Variants in KIF26B observed in about 807,000 individuals in gnomAD.
KIF26B encodes kinesin-like protein KIF26B.
In KIF26B, 63 loss-of-function variants were observed where a neutral mutation model predicts 151.2. That is an observed-to-expected ratio of 0.42 (90% confidence interval 0.34 to 0.51). The LOEUF (loss-of-function observed/expected upper bound fraction) is 0.51. KIF26B is among the 20% of genes least tolerant of loss of function. The pLI, the probability that KIF26B is intolerant of heterozygous loss-of-function variation, is 0.07. For missense variants in KIF26B, 2,813 were observed against 2,913.6 expected (o/e 0.97, Z 0.79); for synonymous variants, 1,357 against 1,262.1 (o/e 1.08, Z -1.59).
chr1:245,350,536 G>A (rs143563972), intron 2 of KIF26B, among the ~76,000 whole-genome samples: 15 of 152,198 alleles, frequency 9.9e-5, no homozygotes, highest in Admixed American at 3.9e-4. Flanking sequence ...CAGGAATGCC[G>A]TCCCCACAGC....
rs764656347 is a variant in KIF26B, at chr1:245,609,379, G to A, written c.1765G>A (p.Ala589Thr). 14 of 1,609,758 alleles carry A rather than the reference G, an allele frequency of 8.7e-6. No homozygotes were observed. Among genetic ancestry groups the A allele is most frequent in the Admixed American group, 3.4e-5 (2 of 59,444 alleles). The change falls in exon 8 of 15, where the codon GCC becomes ACC. Residue 589 changes from alanine to threonine, a missense_variant. This residue lies in a region of KIF26B where 77 missense variants were observed against 136.9 expected (regional missense o/e 0.56). Coordinates refer to ENST00000407071, the MANE Select transcript of KIF26B (RefSeq NM_018012.4). ...LINERKEKTGARFSVRVSAVE... is the reference protein window; with the variant it reads ...LINERKEKTGTRFSVRVSAVE... ...AAACGAACGCAAGGAAAAGACCGGCGCCCGTTTCTCAGTCCGGGTTTCCGC... is the reference window on the plus strand; with the variant it reads ...AAACGAACGCAAGGAAAAGACCGGCACCCGTTTCTCAGTCCGGGTTTCCGC...
chr1:245,169,891 C>T (rs1367625407), intron 2 of KIF26B, among the ~76,000 whole-genome samples: 2 of 152,188 alleles, frequency 1.3e-5, no homozygotes, highest in East Asian at 1.9e-4. Flanking sequence ...GATTCTGAAT[C>T]TCCTTCAAAG....
chr1:245,258,503 A>AT (rs1439586521), intron 2 of KIF26B, among the ~76,000 whole-genome samples: 1 of 152,212 alleles, frequency 6.6e-6, no homozygotes, highest in Non-Finnish European at 1.5e-5. Context: ...ATCAAAGCTC[A>AT]TTCCTGGCTA....
At chr1:245,177,659 C>T (rs2103525783) in intron 2 of KIF26B, among the ~76,000 whole-genome samples, 1 of 134,224 alleles carries the variant, frequency 7.5e-6, no homozygotes, top group East Asian at 2.5e-4. Flanking sequence ...TTTACTTGTC[C>T]TTAGGGGTGT....
In KIF26B at chr1:245,512,282, G is replaced by A. The variant is rs1299625182; in HGVS notation, c.1167-28485G>A. ...ACTGTCCCTCCCACCTGTCCACCCT[G>A]CCTGTTTCCCAGCCCCCATCCTTCT... On this transcript the variant is annotated intron_variant, in intron 4 of 14. Transcript: ENST00000407071. The surrounding 1 kb of genome is among the most constrained non-coding windows in gnomAD (Gnocchi z 4.3). 6.6e-6 allele frequency among the ~76,000 whole-genome samples: 1 copy of A among 152,062 alleles called. No homozygotes were observed. The highest frequency in any genetic ancestry group is 1.5e-5 in the Non-Finnish European group (1 of 68,006).
chr1:245,660,344 G>A (rs2044122213), intron 10 of KIF26B, among the ~76,000 whole-genome samples: 1 of 150,916 alleles, frequency 6.6e-6, no homozygotes, highest in Admixed American at 6.6e-5. Flanking sequence ...TATTTTTTGG[G>A]GGGGCGGGTA....
At position 245,158,751 on chromosome 1, in the gene KIF26B, G is replaced by T. The variant is rs549522688; in HGVS notation, c.465+2068G>T. On this transcript the variant is annotated intron_variant, in intron 2 of 14. Transcript: ENST00000407071. Reference sequence around the variant, plus strand: ...TAGACAGGGCTCAGCCAGGAAGAAGGATGCTTTGCATCAGCTCATTGTTAG... The same window carrying T: ...TAGACAGGGCTCAGCCAGGAAGAAGTATGCTTTGCATCAGCTCATTGTTAG... Among the ~76,000 whole-genome samples, 3 of 152,254 alleles carry T rather than the reference G, an allele frequency of 2.0e-5. No homozygotes were observed. The East Asian group carries it at 5.8e-4, about 29-fold the overall frequency.
intron 2 of KIF26B, among the ~76,000 whole-genome samples, chr1:245,179,194 T>A (rs1196809647): frequency 6.6e-6 from 1 of 152,208 alleles, no homozygotes; most frequent in East Asian, 1.9e-4. Flanking sequence ...AAATAGCGTT[T>A]GAAATTCTCC....
chr1:245,267,676 ACACACAC>A (rs1670772809), intron 2 of KIF26B, among the ~76,000 whole-genome samples: 1 of 147,618 alleles, frequency 6.8e-6, no homozygotes, highest in Non-Finnish European at 1.5e-5. Flanking sequence ...ACACACACAC[ACACACAC>A]AAAAGGAGAA....
chr1:245,265,886 G>T (rs1670736371), intron 2 of KIF26B, among the ~76,000 whole-genome samples: 1 of 152,082 alleles, frequency 6.6e-6, no homozygotes, highest in Non-Finnish European at 1.5e-5. Flanking sequence ...AGGATTACAG[G>T]CATGAGCCAC....
intron 2 of KIF26B, among the ~76,000 whole-genome samples, chr1:245,342,960 C>G (rs2102996656): frequency 6.6e-6 from 1 of 152,002 alleles, no homozygotes; most frequent in African/African-American, 2.4e-5. Flanking sequence ...GTGGTGGGCG[C>G]CTGTAATTCC....
Position 245,686,034 on chromosome 1 carries a change from C to T in KIF26B, c.3051C>T (p.Pro1017=). 1 of 1,595,100 alleles carries T rather than the reference C, an allele frequency of 6.3e-7. No homozygotes were observed. The highest frequency in any genetic ancestry group is 1.1e-5 in the South Asian group (1 of 88,784). The change falls in exon 12 of 15, where the codon CCC becomes CCT. Residue 1017 remains proline (P), a synonymous_variant. Coordinates refer to ENST00000407071, the MANE Select transcript of KIF26B (RefSeq NM_018012.4). The surrounding 1 kb of genome is among the most constrained non-coding windows in gnomAD (Gnocchi z 5.6). ...PVPAAAPAHS[P]SPASPRSVPG... ...CCGCCGCGGCACCCGCCCACAGCCC[C>T]AGCCCGGCCTCACCCAGGAGCGTCC...
intron 2 of KIF26B, among the ~76,000 whole-genome samples, chr1:245,292,298 G>T (rs1174171208): frequency 6.6e-6 from 1 of 152,186 alleles, no homozygotes; most frequent in Admixed American, 6.5e-5. Context: ...TGCACATGGG[G>T]CACCGGAAGC....
At chr1:245,289,351 C>A (rs979298045) in intron 2 of KIF26B, among the ~76,000 whole-genome samples, 2 of 152,144 alleles carry the variant, frequency 1.3e-5, no homozygotes, top group African/African-American at 4.8e-5. Context: ...TCTGTTACCC[C>A]AGGCAATTAT....
In KIF26B at chr1:245,652,110, G is replaced by GTGTGTT. The variant is rs762786203; in HGVS notation, c.2258+5835_2258+5836insTTGTGT. On this transcript the variant is annotated intron_variant, in intron 10 of 14. Coordinates refer to ENST00000407071, the MANE Select transcript of KIF26B (RefSeq NM_018012.4). ...GAGGTTCATGTAAGAATCTGTGTGT[G>GTGTGTT]TGTGTGTGTGTGTGTGTGTGTGTGT... Among the ~76,000 whole-genome samples, 10 of 60,670 alleles carry GTGTGTT rather than the reference G, an allele frequency of 1.6e-4. No individual in the cohort carries two copies. The Admixed American group carries it at 2.1e-3, about 12-fold the overall frequency. 39.8% of individuals were successfully genotyped at this position (60,670 alleles called of 152,430 possible).
rs189327536 is a variant in KIF26B, at chr1:245,383,289, G to A, written c.999+15922G>A. 1.6e-3 allele frequency among the ~76,000 whole-genome samples: 236 copies of A among 151,186 alleles called. 1 individual carries two copies. Among genetic ancestry groups the A allele is most frequent in the Non-Finnish European group, 3.1e-3 (207 of 67,752 alleles). ...GAACACGGTATCCCTGAAAAATAGC[G>A]GTGGAATTGGTGAATTTAGAAAACC... On this transcript the variant is annotated intron_variant, in intron 3 of 14. Transcript: ENST00000407071.
chr1:245,568,028 T>TA lies in KIF26B; in HGVS notation c.1350+27086dup, dbSNP rs982099400. ...GCAAAACCCCGTCTCTACTAAAAAT[T>TA]AAAAAAAATAGCCGGGGTTAATCCC... On this transcript the variant is annotated intron_variant, in intron 5 of 14. Transcript: ENST00000407071. Among the ~76,000 whole-genome samples, 18 of 149,982 alleles carry TA rather than the reference T, an allele frequency of 1.2e-4. No individual in the cohort carries two copies. The East Asian group carries it at 1.4e-3, about 11-fold the overall frequency.
At chr1:245,672,993 CAT>C (rs1264979901) in intron 10 of KIF26B, among the ~76,000 whole-genome samples, 2 of 152,204 alleles carry the variant, frequency 1.3e-5, no homozygotes, top group African/African-American at 4.8e-5. Context: ...AGCTGGAAAA[CAT>C]AAGCCCCATA....
At chr1:245,214,057 T>A (rs1449047155) in intron 2 of KIF26B, 1 of 152,146 alleles carries the variant, frequency 6.6e-6, no homozygotes, top group African/African-American at 2.4e-5. Context: ...GTTTATAATT[T>A]GGTGAAAACC....
Sources: allele counts gnomAD v4.1 joint callset (sites outside exome capture counted in the v4.1 genomes callset), GRCh38; gene constraint gnomAD v4.1.1; regional missense constraint gnomAD v4.1.1; non-coding constraint Gnocchi (gnomAD v3.1); transcripts MANE v1.5; gene names NCBI Gene and HGNC (gene_info 2026-07-23, HGNC 2026-07-21).